The following EYA1 variants were observed in gnomAD, a reference collection of about 807,000 sequenced individuals.
EYA1 encodes the protein EYA transcriptional coactivator and phosphatase 1.
EYA1 carries 16 observed loss-of-function variants against 82.0 expected under a neutral mutation model. The observed-to-expected ratio is 0.20, with a 90% CI of 0.13 to 0.30. The LOEUF is 0.30. EYA1 is among the 10% of genes least tolerant of loss of function. The pLI, the probability that EYA1 is intolerant of heterozygous loss-of-function variation, is 1.00. For synonymous variants in EYA1, 261 were observed against 264.4 expected (o/e 0.99, Z 0.12); for missense variants, 633 against 730.7 (o/e 0.87, Z 1.54).
intron 17 of EYA1, among the ~76,000 whole-genome samples, chr8:71,209,627 A>G (rs1047965924): frequency 6.6e-6 from 1 of 152,200 alleles, no homozygotes; most frequent in Admixed American, 6.5e-5. Flanking sequence ...TATCATACTT[A>G]GGCTCAGTGC....
At chr8:71,264,039 C>T (rs543827237) in intron 11 of EYA1, among the ~76,000 whole-genome samples, 1 of 152,274 alleles carries the variant, frequency 6.6e-6, no homozygotes, top group South Asian at 2.1e-4. Flanking sequence ...AGCATATGGC[C>T]CGCAAAGCCT....
intron 2 of EYA1, among the ~76,000 whole-genome samples, chr8:71,493,614 G>C (rs1811177875): frequency 1.3e-5 from 2 of 152,204 alleles, no homozygotes; most frequent in Non-Finnish European, 1.5e-5. Flanking sequence ...ACTCCCATTA[G>C]AGAAGGAAAG....
At chr8:71,274,923 A>AGCGAGAGC (rs1263155140) in intron 9 of EYA1, among the ~76,000 whole-genome samples, 10 of 151,888 alleles carry the variant, frequency 6.6e-5, no homozygotes, top group South Asian at 4.1e-4. Context: ...AGAGAGAGAG[A>AGCGAGAGC]ATGAGAGCGA....
chr8:71,420,022 T>A (rs1009338099), intron 2 of EYA1, among the ~76,000 whole-genome samples: 1 of 152,154 alleles, frequency 6.6e-6, no homozygotes, highest in Non-Finnish European at 1.5e-5. Context: ...ATTTGCTTAA[T>A]AAATTGCACC....
chr8:71,260,075 G>T (rs1814914640), intron 11 of EYA1, among the ~76,000 whole-genome samples: 1 of 152,086 alleles, frequency 6.6e-6, no homozygotes, highest in Non-Finnish European at 1.5e-5. Context: ...AGCACCAAAA[G>T]AAAAATTGTT....
At chr8:71,284,340 T>C (rs1818148461) in intron 9 of EYA1, among the ~76,000 whole-genome samples, 1 of 152,232 alleles carries the variant, frequency 6.6e-6, no homozygotes, top group Admixed American at 6.5e-5. Context: ...CTGGTACATC[T>C]GCATATCCTC....
At chr8:71,256,196 T>G (rs796094869) in intron 11 of EYA1, among the ~76,000 whole-genome samples, 3 of 152,176 alleles carry the variant, frequency 2.0e-5, no homozygotes, top group Non-Finnish European at 4.4e-5. Flanking sequence ...GATCCCACAA[T>G]TCCCCTTCTG....
At chr8:71,489,772 A>T (rs1810855754) in intron 2 of EYA1, among the ~76,000 whole-genome samples, 1 of 152,296 alleles carries the variant, frequency 6.6e-6, no homozygotes, top group Non-Finnish European at 1.5e-5. Context: ...TATTTTAATT[A>T]TAATGTCATA....
At chr8:71,450,456 T>C (rs757630829) in intron 2 of EYA1, among the ~76,000 whole-genome samples, 9 of 152,170 alleles carry the variant, frequency 5.9e-5, no homozygotes, top group Non-Finnish European at 1.0e-4. Context: ...TCAGAACACA[T>C]ACATTTATCA....
intron 12 of EYA1, among the ~76,000 whole-genome samples, chr8:71,232,509 C>T (rs990269445): frequency 1.3e-5 from 2 of 152,204 alleles, no homozygotes; most frequent in African/African-American, 2.4e-5. Flanking sequence ...TGAGGGACAG[C>T]ACACTGTGAC....
chr8:71,489,533 T>C (rs142268273), intron 2 of EYA1, among the ~76,000 whole-genome samples: 287 of 152,354 alleles, frequency 1.9e-3, no homozygotes, highest in Middle Eastern at 3.4e-3. Context: ...AAGCCTGTTT[T>C]ATCTCTTTAA....
In EYA1 at chr8:71,361,828, G is replaced by C. The variant is rs1435185771; in HGVS notation, c.-236C>G. ...CCTCTGCAGGGGAAAGCTCGGCGCA[G>C]GGGGCAGGCGCCTGGCCGCTGCCGC... On this transcript the variant is annotated 5_prime_UTR_variant, in exon 1 of 18. Transcript: ENST00000340726. 2 of 985,358 alleles carry C rather than the reference G, an allele frequency of 2.0e-6. No individual in the cohort carries two copies. Among genetic ancestry groups the C allele is most frequent in the Admixed American group, 6.1e-5 (1 of 16,272 alleles). 61.0% of individuals were successfully genotyped at this position (985,358 alleles called of 1,614,324 possible).
rs758342737 is a variant in EYA1 at position 71,269,720 on chromosome 8, T to G, written c.1050+20A>C. The G allele has an allele frequency of 5.0e-5, 80 of 1,586,800 alleles. No homozygotes were observed. Among genetic ancestry groups the G allele is most frequent in the Non-Finnish European group, 6.2e-5 (72 of 1,156,302 alleles). On this transcript the variant is annotated intron_variant, in intron 11 of 17. Coordinates refer to ENST00000340726, the MANE Select transcript of EYA1 (RefSeq NM_000503.6). ...TATTTACTCCAAAGAAATTAAAAAC[T>G]GATGCCTCTTGGTACTCACCCTCCC... is the stretch of plus-strand genomic sequence containing the variant.
intron 11 of EYA1, among the ~76,000 whole-genome samples, chr8:71,263,992 T>C (rs912439289): frequency 6.6e-6 from 1 of 152,250 alleles, no homozygotes; most frequent in African/African-American, 2.4e-5. Context: ...CATTGGTTGC[T>C]TTTGCACTAC....
intron 2 of EYA1, among the ~76,000 whole-genome samples, chr8:71,505,806 T>C (rs551837566): frequency 3.9e-5 from 6 of 152,316 alleles, no homozygotes; most frequent in African/African-American, 1.4e-4. Context: ...TTTGAGTCTA[T>C]GTCCCCACCC....
intron 2 of EYA1, among the ~76,000 whole-genome samples, chr8:71,492,525 C>T (rs1424876810): frequency 1.3e-5 from 2 of 150,602 alleles, no homozygotes; most frequent in African/African-American, 2.4e-5. Context: ...AGTGCAGTCG[C>T]GTGATCTCAG....
intron 11 of EYA1, among the ~76,000 whole-genome samples, chr8:71,261,164 A>G (rs1050762529): frequency 6.6e-6 from 1 of 152,128 alleles, no homozygotes; most frequent in African/African-American, 2.4e-5. Flanking sequence ...GTTTTTTTAA[A>G]AAATAAAAAA....
intron 9 of EYA1, among the ~76,000 whole-genome samples, chr8:71,297,846 G>C (rs1403655073): frequency 1.3e-5 from 2 of 152,062 alleles, no homozygotes; most frequent in Non-Finnish European, 2.9e-5. Flanking sequence ...ACTGAATGAG[G>C]AATCAGCTTA....
At chr8:71,367,083 T>C (rs544195402), upstream of EYA1, among the ~76,000 whole-genome samples, 9 of 152,286 alleles carry the variant, frequency 5.9e-5, no homozygotes, top group African/African-American at 2.2e-4. Flanking sequence ...CTTGAAGTGG[T>C]CAAATCAGGA....
Sources: allele counts gnomAD v4.1 joint callset (sites outside exome capture counted in the v4.1 genomes callset), GRCh38; gene constraint gnomAD v4.1.1; transcripts MANE v1.5; gene names NCBI Gene and HGNC (gene_info 2026-07-23, HGNC 2026-07-21).